Variants in MYH10 observed in about 807,000 individuals in gnomAD.
MYH10 encodes myosin-10.
In MYH10, 55 loss-of-function variants were observed where a neutral mutation model predicts 257.8. The observed-to-expected ratio is 0.21, with a 90% CI of 0.17 to 0.27. The LOEUF (loss-of-function observed/expected upper bound fraction) is 0.27, where lower values mean the gene tolerates loss of function less well. Among genes scored for constraint, MYH10 ranks in the 10% least tolerant of loss-of-function variants. The pLI, the probability that MYH10 is intolerant of heterozygous loss-of-function variation, is 1.00. For missense variants in MYH10, 1,631 were observed against 2,500.6 expected (o/e 0.65, Z 7.42); for synonymous variants, 854 against 921.7 (o/e 0.93, Z 1.33).
chr17:8,522,945 G>A (rs1192111772), intron 17 of MYH10, among the ~76,000 whole-genome samples: 1 of 152,124 alleles, frequency 6.6e-6, no homozygotes. Context: ...ACCTTCTCCT[G>A]TACCCTACTT....
intron 2 of MYH10, among the ~76,000 whole-genome samples, chr17:8,607,155 C>T (rs1693175124): frequency 6.6e-6 from 1 of 152,100 alleles, no homozygotes; most frequent in South Asian, 2.1e-4. Flanking sequence ...TTTTGTACAA[C>T]CACCCTCACT....
intron 7 of MYH10, chr17:8,560,540 A>G: frequency 1.5e-6 from 1 of 674,808 alleles, no homozygotes; most frequent in South Asian, 1.3e-5. Context: ...AGCTCCTTCG[A>G]GCTGTTTGCC....
chr17:8,543,989 GAAATGTGT>G lies in MYH10; in HGVS notation c.1431+1451_1431+1458del, dbSNP rs137883573. On this transcript the variant is annotated intron_variant, in intron 13 of 42. Coordinates refer to ENST00000360416, the MANE Select transcript of MYH10 (RefSeq NM_001256012.3). ...TTTCCAGAAATATGCTATGCATTAA[GAAATGTGT>G]GTATGTGTGTGACCCTGATTTTTTT... Among the ~76,000 whole-genome samples, 511 of 152,224 alleles carry G rather than the reference GAAATGTGT, an allele frequency of 3.4e-3. 8 individuals are homozygous for G. The highest frequency in any genetic ancestry group is 0.011 in the African/African-American group (474 of 41,522).
intron 2 of MYH10, among the ~76,000 whole-genome samples, chr17:8,618,516 G>GT (rs1309105997): frequency 6.6e-6 from 1 of 152,218 alleles, no homozygotes; most frequent in African/African-American, 2.4e-5. Context: ...TGGGATTACA[G>GT]GCGTTAGTCA....
At position 8,490,659 on chromosome 17, in the gene MYH10, G is replaced by T; in HGVS notation, c.4672-107C>A. On this transcript the variant is annotated intron_variant, in intron 34 of 42. Transcript: ENST00000360416. This position sits in a 1 kb window ranked among gnomAD's most constrained non-coding sequence, Gnocchi z 4.1. ...CACTCGTGGCATGCTGGCCACTTTG[G>T]TCCCCCTGGGCCGGCCCCCTGCCAC... 9.0e-7 allele frequency: 1 copy of T among 1,110,796 alleles called. No individual in the cohort carries two copies. Among genetic ancestry groups the T allele is most frequent in the Non-Finnish European group, 1.3e-6 (1 of 745,996 alleles). The allele number at this position is 1,110,796 out of a possible 1,614,324, so 68.8% of individuals were successfully genotyped here. A position where few individuals can be genotyped will look rare whatever the true frequency, so the allele number is the denominator to read the frequency against.
intron 7 of MYH10, among the ~76,000 whole-genome samples, chr17:8,558,138 T>C (rs2082869495): frequency 6.6e-6 from 1 of 152,202 alleles, no homozygotes; most frequent in African/African-American, 2.4e-5. Flanking sequence ...GAAAGTTTTG[T>C]TTGGATTTTT....
intron 22 of MYH10, 52 bp from the exon 23 acceptor site, chr17:8,513,721 A>T: frequency 2.5e-6 from 4 of 1,607,654 alleles, no homozygotes; most frequent in Non-Finnish European, 3.4e-6. Context: ...GCTCTTTCCT[A>T]TGGGTTTTTC....
At chr17:8,536,989 T>A (rs2082161494) in intron 14 of MYH10, among the ~76,000 whole-genome samples, 1 of 152,206 alleles carries the variant, frequency 6.6e-6, no homozygotes. Context: ...CAAACATCAC[T>A]GACTTGTAGT....
At chr17:8,486,577 A>AGC (rs755661379) in intron 36 of MYH10, among the ~76,000 whole-genome samples, 131,752 of 137,700 alleles carry the variant, frequency 0.96, 63,445 homozygotes, top group East Asian at 1. Context: ...AAAAAAAAAA[A>AGC]AAATGGAAAC....
Position 8,506,321 on chromosome 17 carries a change from G to T in MYH10, c.3383C>A (p.Ala1128Asp). The change falls in exon 27 of 43, where the codon GCC becomes GAC. Residue 1128 changes from alanine to aspartate, a missense_variant. Ala to Asp is a moderately radical substitution (Grantham distance 126). Transcript: ENST00000360416. The surrounding 1 kb of genome is among the most constrained non-coding windows in gnomAD (Gnocchi z 5.0). ...GCGCAGCTGCTGGGCTGCAGACCTG[G>T]CCAGTGCGCCCTGCAGCTCCTCCTC... ...KKEEELQGAL[A>D]RGDDETLHKN... The T allele has an allele frequency of 6.3e-7, 1 of 1,595,064 alleles. No individual in the cohort carries two copies. Among genetic ancestry groups the T allele is most frequent in the Non-Finnish European group, 8.5e-7 (1 of 1,174,722 alleles).
At chr17:8,613,141 C>A (rs2085109263) in intron 2 of MYH10, among the ~76,000 whole-genome samples, 1 of 152,052 alleles carries the variant, frequency 6.6e-6, no homozygotes, top group Admixed American at 6.6e-5. Context: ...AAGCTGAATT[C>A]TCAACAGAAA....
intron 7 of MYH10, among the ~76,000 whole-genome samples, chr17:8,564,808 A>G (rs2083112748): frequency 6.6e-6 from 1 of 152,234 alleles, no homozygotes; most frequent in African/African-American, 2.4e-5. Flanking sequence ...ATAAATACAC[A>G]AAGTAATTAG....
chr17:8,613,322 T>C (rs2085116687), intron 2 of MYH10, among the ~76,000 whole-genome samples: 2 of 151,616 alleles, frequency 1.3e-5, no homozygotes, highest in Non-Finnish European at 2.9e-5. Flanking sequence ...CTAAAAGATG[T>C]GGAAAAAAAA....
At chr17:8,604,705 ACTT>A in intron 3 of MYH10, 118 bp downstream of exon 3, 1 of 691,048 alleles carries the variant, frequency 1.4e-6, no homozygotes, top group Non-Finnish European at 2.1e-6. Flanking sequence ...AATAAACATT[ACTT>A]TTTTATTAAT....
chr17:8,587,850 T>C (rs568778171), intron 4 of MYH10, among the ~76,000 whole-genome samples: 1 of 152,252 alleles, frequency 6.6e-6, no homozygotes, highest in South Asian at 2.1e-4. Context: ...TTCTAGAAAT[T>C]GTATTTTATT....
At chr17:8,626,578 A>AAATAAG (rs1555621794) in intron 1 of MYH10, among the ~76,000 whole-genome samples, 7 of 140,190 alleles carry the variant, frequency 5.0e-5, no homozygotes, top group African/African-American at 1.9e-4. Flanking sequence ...AAATAATAAT[A>AAATAAG]AATAATAATA....
chr17:8,534,793 A>G (rs1167980013), intron 16 of MYH10, among the ~76,000 whole-genome samples: 1 of 152,258 alleles, frequency 6.6e-6, no homozygotes, highest in Non-Finnish European at 1.5e-5. Flanking sequence ...ACTGGTTCCT[A>G]AAATGCATAG....
At chr17:8,544,723 T>C (rs1173526190) in intron 13 of MYH10, among the ~76,000 whole-genome samples, 1 of 152,220 alleles carries the variant, frequency 6.6e-6, no homozygotes, top group Non-Finnish European at 1.5e-5. Context: ...AATAAAGATA[T>C]AAATTTTTAG....
intron 36 of MYH10, among the ~76,000 whole-genome samples, chr17:8,485,988 C>T (rs1278044556): frequency 6.6e-6 from 1 of 152,150 alleles, no homozygotes; most frequent in African/African-American, 2.4e-5. Context: ...GAGTGTTACT[C>T]AGTAATAAAA....
Sources: gnomAD v4.1 joint callset for allele counts (sites outside exome capture counted in the v4.1 genomes callset) on GRCh38, gnomAD v4.1.1 for gene constraint, Gnocchi (gnomAD v3.1) non-coding constraint, MANE v1.5 for transcripts, NCBI Gene and HGNC (gene_info 2026-07-23, HGNC 2026-07-21) for gene names.